AK7: variants seen among roughly 807,000 people sequenced by gnomAD.
AK7 encodes ATP-AMP transphosphorylase 7.
AK7 carries 78 observed loss-of-function variants against 96.6 expected under a neutral mutation model. The observed-to-expected ratio is 0.81, with a 90% CI of 0.67 to 0.97. AK7 has a LOEUF of 0.97. Among genes scored for constraint, AK7 ranks in the 50% least tolerant of loss-of-function variants. AK7 has a pLI of 0.00. For missense variants in AK7, 855 were observed against 887.9 expected, an observed-to-expected ratio of 0.96 and a Z score of 0.47; for synonymous variants, 302 against 317.2, an observed-to-expected ratio of 0.95 and a Z score of 0.51.
At chr14:96,426,460 A>G (rs1020283855) in intron 5 of AK7, among the ~76,000 whole-genome samples, 12 of 152,154 alleles carry the variant, frequency 7.9e-5, no homozygotes, top group African/African-American at 2.9e-4. Flanking sequence ...CACCACCGTT[A>G]AAGTGTTCTA....
intron 12 of AK7, among the ~76,000 whole-genome samples, chr14:96,468,124 A>G (rs11624079): frequency 2.0e-5 from 3 of 148,358 alleles, no homozygotes; most frequent in African/African-American, 7.4e-5. Flanking sequence ...TGTGCGAGGC[A>G]CTAGGATTAC....
intron 15 of AK7, among the ~76,000 whole-genome samples, chr14:96,481,227 T>A (rs1895485806): frequency 6.6e-6 from 1 of 152,146 alleles, no homozygotes; most frequent in South Asian, 2.1e-4. Flanking sequence ...GGGGTCAGAG[T>A]GGAATATTGC....
intron 7 of AK7, among the ~76,000 whole-genome samples, chr14:96,443,473 A>G (rs555061793): frequency 6.6e-6 from 1 of 152,282 alleles, no homozygotes; most frequent in East Asian, 1.9e-4. Flanking sequence ...TCTGGTTTTC[A>G]GATTCCCACT....
At chr14:96,465,735 G>T (rs1347166987) in intron 12 of AK7, among the ~76,000 whole-genome samples, 1 of 152,054 alleles carries the variant, frequency 6.6e-6, no homozygotes, top group Non-Finnish European at 1.5e-5. Flanking sequence ...AAAGAGGCCA[G>T]GCGCAGTGGC....
At chr14:96,461,254 G>A (rs1470594103) in intron 12 of AK7, among the ~76,000 whole-genome samples, 1 of 152,192 alleles carries the variant, frequency 6.6e-6, no homozygotes, top group East Asian at 1.9e-4. Context: ...CTTGAGGTCA[G>A]CCTCGGCAAC....
At chr14:96,466,243 A>T (rs1172840129) in intron 12 of AK7, among the ~76,000 whole-genome samples, 28 of 140,336 alleles carry the variant, frequency 2.0e-4, no homozygotes, top group African/African-American at 5.0e-4. Context: ...TTATTTATTT[A>T]TTTTTTTTTT....
At chr14:96,441,342 G>T (rs1892944862) in intron 6 of AK7, among the ~76,000 whole-genome samples, 1 of 151,254 alleles carries the variant, frequency 6.6e-6, no homozygotes, top group South Asian at 2.1e-4. Flanking sequence ...TGGGCAAATT[G>T]TGAGGAAGGT....
intron 11 of AK7, among the ~76,000 whole-genome samples, chr14:96,457,432 C>G (rs1893995043): frequency 6.6e-6 from 1 of 152,118 alleles, no homozygotes; most frequent in Non-Finnish European, 1.5e-5. Flanking sequence ...TTATAATAAA[C>G]AAGCAACTAA....
intron 5 of AK7, among the ~76,000 whole-genome samples, chr14:96,432,645 C>G (rs549548742): frequency 3.9e-5 from 6 of 151,980 alleles, no homozygotes; most frequent in Non-Finnish European, 8.8e-5. Context: ...ACTTACGAAG[C>G]TTAGTTTGGC....
chr14:96,421,175 A>G (rs951391432), intron 5 of AK7, among the ~76,000 whole-genome samples: 9 of 152,198 alleles, frequency 5.9e-5, no homozygotes, highest in Admixed American at 4.6e-4. Context: ...TGTTTGGCCC[A>G]AAAGAGGCAA....
chr14:96,469,975 G>T (rs111459931), intron 12 of AK7, among the ~76,000 whole-genome samples: 1 of 151,966 alleles, frequency 6.6e-6, no homozygotes, highest in Non-Finnish European at 1.5e-5. Context: ...GTGCCACCAC[G>T]CCCGGCTAAT....
At chr14:96,433,617 A>G (rs926704715) in intron 5 of AK7, among the ~76,000 whole-genome samples, 7 of 152,150 alleles carry the variant, frequency 4.6e-5, no homozygotes, top group Non-Finnish European at 1.0e-4. Context: ...GTGTTCGAAC[A>G]TCCTCCTTTA....
chr14:96,461,900 G>A (rs1894271794), intron 12 of AK7, among the ~76,000 whole-genome samples: 1 of 152,152 alleles, frequency 6.6e-6, no homozygotes, highest in Admixed American at 6.6e-5. Flanking sequence ...ATTATTTATT[G>A]ACAAAGACAT....
chr14:96,456,041 C>A (rs1893877942), intron 10 of AK7, among the ~76,000 whole-genome samples: 1 of 151,966 alleles, frequency 6.6e-6, no homozygotes, highest in Non-Finnish European at 1.5e-5. Flanking sequence ...GAGTTTGAGA[C>A]CAGCCTGGCC....
chr14:96,480,587 A>G (rs1895454996), intron 15 of AK7, among the ~76,000 whole-genome samples: 1 of 152,174 alleles, frequency 6.6e-6, no homozygotes, highest in South Asian at 2.1e-4. Flanking sequence ...ACCTCCTAAT[A>G]TGGAAATTAG....
intron 14 of AK7, among the ~76,000 whole-genome samples, chr14:96,473,496 G>A (rs1895015263): frequency 6.6e-6 from 1 of 150,806 alleles, no homozygotes; most frequent in East Asian, 1.9e-4. Flanking sequence ...TTCTTAAGGA[G>A]CAGGGCTACA....
intron 7 of AK7, among the ~76,000 whole-genome samples, chr14:96,443,602 C>T (rs1279251491): frequency 6.6e-6 from 1 of 152,052 alleles, no homozygotes; most frequent in Non-Finnish European, 1.5e-5. Context: ...GATCCCTTTC[C>T]AAGACCCTGA....
At chr14:96,442,040 T>G (rs1310653747) in intron 6 of AK7, among the ~76,000 whole-genome samples, 1 of 152,192 alleles carries the variant, frequency 6.6e-6, no homozygotes, top group Non-Finnish European at 1.5e-5. Flanking sequence ...GACCCAGTGG[T>G]CTACTGTGAC....
At chr14:96,442,851 G>C in intron 7 of AK7, 33 bp downstream of exon 7, 1 of 1,579,430 alleles carries the variant, frequency 6.3e-7, no homozygotes, top group Non-Finnish European at 8.7e-7. Context: ...GACCTTCACA[G>C]AATTGGTTAA....
Sources: gnomAD v4.1 joint callset for allele counts (sites outside exome capture counted in the v4.1 genomes callset) on GRCh38, gnomAD v4.1.1 for gene constraint, MANE v1.5 for transcripts, NCBI Gene and HGNC (gene_info 2026-07-23, HGNC 2026-07-21) for gene names.